EXOC6B: variants seen among roughly 807,000 people sequenced by gnomAD.
The protein encoded by EXOC6B is SEC15 homolog B.
Under a neutral mutation model 113.5 loss-of-function variants are expected in EXOC6B, and 54 were observed. The ratio of observed to expected loss-of-function variants is 0.48; its 90% CI spans 0.38 to 0.60. EXOC6B has a LOEUF of 0.60. Ranked by LOEUF, EXOC6B falls within the 20% of genes least tolerant of loss-of-function variation. The pLI, the probability that EXOC6B is intolerant of heterozygous loss-of-function variation, is 0.00. For missense variants in EXOC6B, 797 were observed against 977.5 expected (o/e 0.82, Z 2.46); for synonymous variants, 357 against 339.0 (o/e 1.05, Z -0.58).
intron 6 of EXOC6B, among the ~76,000 whole-genome samples, chr2:72,626,110 G>GA (rs1672034175): frequency 6.6e-6 from 1 of 151,508 alleles, no homozygotes; most frequent in African/African-American, 2.4e-5. Flanking sequence ...ACCAAACCCA[G>GA]AAAAATAATA....
intron 18 of EXOC6B, among the ~76,000 whole-genome samples, chr2:72,420,094 G>A (rs1412693282): frequency 6.6e-6 from 1 of 152,022 alleles, no homozygotes; most frequent in Non-Finnish European, 1.5e-5. Context: ...TATCTTTAGT[G>A]AATTTTTCAC....
At chr2:72,762,878 A>G (rs922733142) in intron 1 of EXOC6B, among the ~76,000 whole-genome samples, 1 of 152,148 alleles carries the variant, frequency 6.6e-6, no homozygotes, top group Non-Finnish European at 1.5e-5. Flanking sequence ...GTAAAATATA[A>G]TTAATGATAA....
At chr2:72,663,286 A>G (rs954300200) in intron 6 of EXOC6B, among the ~76,000 whole-genome samples, 3 of 152,208 alleles carry the variant, frequency 2.0e-5, no homozygotes, top group Admixed American at 2.0e-4. Flanking sequence ...AAAAGTGTAC[A>G]TATGTATAAT....
At chr2:72,505,883 CTGAAA>C (rs913919490) in intron 11 of EXOC6B, among the ~76,000 whole-genome samples, 10 of 152,042 alleles carry the variant, frequency 6.6e-5, no homozygotes, top group African/African-American at 2.4e-4. Context: ...TCTGTATCTA[CTGAAA>C]TGACTATATA....
At chr2:72,390,540 G>A (rs763856026) in intron 18 of EXOC6B, among the ~76,000 whole-genome samples, 72 of 152,110 alleles carry the variant, frequency 4.7e-4, no homozygotes, top group African/African-American at 1.6e-3. Flanking sequence ...TCCTTAAGGA[G>A]GGTTGGGCTT....
At chr2:72,386,065 G>A (rs1358464410) in intron 18 of EXOC6B, among the ~76,000 whole-genome samples, 1 of 151,978 alleles carries the variant, frequency 6.6e-6, no homozygotes, top group Non-Finnish European at 1.5e-5. Flanking sequence ...GCACTGCCAT[G>A]GTCATTGGAG....
rs1678274166 is a variant in EXOC6B at position 72,184,197 on chromosome 2, A to T, written c.2197-10T>A. On this transcript the variant is annotated splice_polypyrimidine_tract_variant and intron_variant, in intron 20 of 21. Transcript: ENST00000272427. The stretch of plus-strand genomic sequence containing the variant: ...TGAAAAGATCCAAAAGCTGTAAAAT[A>T]TCCAAACCCCACCCCAGGGATTAGT... 10 of 1,466,526 alleles carry T rather than the reference A, an allele frequency of 6.8e-6. No homozygotes were observed. Among genetic ancestry groups the T allele is most frequent in the Non-Finnish European group, 7.5e-6 (8 of 1,069,330 alleles). 90.8% of individuals were successfully genotyped at this position (1,466,526 alleles called of 1,614,324 possible). A position where few individuals can be genotyped will look rare whatever the true frequency, so the allele number is the denominator to read the frequency against.
At position 72,608,563 on chromosome 2, in the gene EXOC6B, C is replaced by A. The variant is rs568899595; in HGVS notation, c.670-32895G>T. ...TTAAACCAAAGATTCTTTACAATTTCTTTTATTGTTTACACACAGTCAGCA... is the reference window on the plus strand; with the variant it reads ...TTAAACCAAAGATTCTTTACAATTTATTTTATTGTTTACACACAGTCAGCA... On this transcript the variant is annotated intron_variant, in intron 6 of 21. Transcript: ENST00000272427. Among the ~76,000 whole-genome samples, 9 of 152,228 alleles carry A rather than the reference C, an allele frequency of 5.9e-5. No individual in the cohort carries two copies. In the East Asian group the frequency reaches 1.7e-3, roughly 29 times the overall value.
chr2:72,544,807 TC>T (rs1702808585), intron 8 of EXOC6B, among the ~76,000 whole-genome samples: 1 of 152,122 alleles, frequency 6.6e-6, no homozygotes, highest in Non-Finnish European at 1.5e-5. Flanking sequence ...ATACACCATT[TC>T]CCATTTCTCA....
intron 8 of EXOC6B, among the ~76,000 whole-genome samples, chr2:72,535,673 G>A (rs1702248850): frequency 6.6e-6 from 1 of 151,886 alleles, no homozygotes; most frequent in Non-Finnish European, 1.5e-5. Flanking sequence ...GAGAGTTCAA[G>A]ACCAGCCTGA....
chr2:72,473,059 A>T (rs1425684386), intron 17 of EXOC6B, among the ~76,000 whole-genome samples: 1 of 152,052 alleles, frequency 6.6e-6, no homozygotes, highest in East Asian at 1.9e-4. Flanking sequence ...GTGATTTTGA[A>T]TTTCAAAAAT....
chr2:72,274,249 A>G (rs775312255), intron 20 of EXOC6B, among the ~76,000 whole-genome samples: 8 of 152,196 alleles, frequency 5.3e-5, no homozygotes, highest in Non-Finnish European at 8.8e-5. Flanking sequence ...AATATAACAC[A>G]GAAGTCCAAC....
intron 16 of EXOC6B, among the ~76,000 whole-genome samples, chr2:72,481,660 T>A (rs1218692799): frequency 6.6e-6 from 1 of 152,226 alleles, no homozygotes; most frequent in Non-Finnish European, 1.5e-5. Context: ...TATTACTTAC[T>A]GATCTTGTGA....
chr2:72,414,183 T>C (rs547121072), intron 18 of EXOC6B, among the ~76,000 whole-genome samples: 3 of 152,368 alleles, frequency 2.0e-5, no homozygotes, highest in South Asian at 4.1e-4. Flanking sequence ...TCTCCAATTT[T>C]ACAAGTGAGT....
chr2:72,790,379 TC>T (rs1684610195), intron 1 of EXOC6B, among the ~76,000 whole-genome samples: 1 of 152,180 alleles, frequency 6.6e-6, no homozygotes, highest in African/African-American at 2.4e-5. Context: ...AGAAAGGAAT[TC>T]TGCATTTAGT....
intron 20 of EXOC6B, among the ~76,000 whole-genome samples, chr2:72,256,083 A>T (rs1241110366): frequency 3.3e-5 from 5 of 152,178 alleles, no homozygotes; most frequent in Non-Finnish European, 2.9e-5. Context: ...TTAAAAGAGA[A>T]AGAACAGAAG....
At chr2:72,781,806 G>A (rs1255545102) in intron 1 of EXOC6B, among the ~76,000 whole-genome samples, 1 of 152,034 alleles carries the variant, frequency 6.6e-6, no homozygotes, top group African/African-American at 2.4e-5. Flanking sequence ...CAAGGAGAAA[G>A]GACATGCAAT....
chr2:72,387,448 T>A (rs945251059), intron 18 of EXOC6B, among the ~76,000 whole-genome samples: 1 of 152,174 alleles, frequency 6.6e-6, no homozygotes, highest in Non-Finnish European at 1.5e-5. Context: ...AGTGAAGAAA[T>A]CTCAGCCTGT....
intron 6 of EXOC6B, among the ~76,000 whole-genome samples, chr2:72,603,362 C>T (rs1411888835): frequency 6.6e-6 from 1 of 152,032 alleles, no homozygotes; most frequent in Non-Finnish European, 1.5e-5. Context: ...CCCTTCCCCT[C>T]CCCTGGCCCC....
Sources: allele counts gnomAD v4.1 joint callset (sites outside exome capture counted in the v4.1 genomes callset), GRCh38; gene constraint gnomAD v4.1.1; transcripts MANE v1.5; gene names NCBI Gene and HGNC (gene_info 2026-07-23, HGNC 2026-07-21).